The following GRIP2 variants were observed in gnomAD, a reference collection of about 807,000 sequenced individuals.
GRIP2 encodes glutamate receptor interacting protein 2.
Under a neutral mutation model 108.3 loss-of-function variants are expected in GRIP2, and 58 were observed. The ratio of observed to expected loss-of-function variants is 0.54; its 90% confidence interval spans 0.43 to 0.67. GRIP2 has a LOEUF of 0.67. GRIP2 is among the 30% of genes least tolerant of loss of function. The pLI is 0.00. For missense variants in GRIP2, 1,278 were observed against 1,430.6 expected, an observed-to-expected ratio of 0.89 and a Z score of 1.72; for synonymous variants, 586 against 598.2, an observed-to-expected ratio of 0.98 and a Z score of 0.30.
intron 1 of GRIP2, among the ~76,000 whole-genome samples, chr3:14,530,555 T>C (rs950038210): frequency 1.3e-5 from 2 of 152,208 alleles, no homozygotes; most frequent in Non-Finnish European, 2.9e-5. Flanking sequence ...CACTGTGTAC[T>C]TGTATGAGAA....
chr3:14,512,662 C>T lies in GRIP2; in HGVS notation c.1720+115G>A. On this transcript the variant is annotated intron_variant, in intron 14 of 23. Transcript: ENST00000621039. The surrounding 1 kb of genome is among the most constrained non-coding windows in gnomAD (Gnocchi z 5.1). ...GCCTCCCCACACCCCCAAGCCTTTT[C>T]CTCGGGCCCCGCAGGGTGTCACGCC... 2 of 972,860 alleles carry T rather than the reference C, an allele frequency of 2.1e-6. No individual in the cohort carries two copies. The highest frequency in any genetic ancestry group is 2.6e-5 in the East Asian group (1 of 38,106). 60.3% of individuals were successfully genotyped at this position (972,860 alleles called of 1,614,324 possible).
chr3:14,566,702 CCT>C, the GRIP2 span, among the ~76,000 whole-genome samples: 12 of 152,288 alleles, frequency 7.9e-5, no homozygotes, highest in South Asian at 2.5e-3. Flanking sequence ...TTTCACAGCC[CCT>C]GACCCCTCCA....
chr3:14,518,027 C>T, intron 9 of GRIP2, 130 bp from the exon 10 acceptor site: 1 of 1,104,502 alleles, frequency 9.1e-7, no homozygotes, highest in Non-Finnish European at 1.3e-6. Flanking sequence ...TAGTATTCTG[C>T]TCACATGTCC....
upstream of GRIP2, chr3:14,540,418 C>T: frequency 6.2e-7 from 1 of 1,602,038 alleles, no homozygotes; most frequent in African/African-American, 1.3e-5. The surrounding 1 kb of genome is among the most constrained non-coding windows in gnomAD (Gnocchi z 4.1). Context: ...ACAGCTCCCA[C>T]TGGCTGGGCA....
At chr3:14,503,436 C>T (rs2124857187) in intron 21 of GRIP2, 130 bp downstream of exon 21, 1 of 649,082 alleles carries the variant, frequency 1.5e-6, no homozygotes, top group Non-Finnish European at 2.7e-6. Flanking sequence ...CCACAGGGTG[C>T]CCAGGTGAGT....
At chr3:14,541,782 G>T, upstream of GRIP2, 1 of 870,924 alleles carries the variant, frequency 1.1e-6, no homozygotes, top group Non-Finnish European at 1.7e-6. Flanking sequence ...CCACAGGGTG[G>T]GTGGTGAGGG....
the GRIP2 span, among the ~76,000 whole-genome samples, chr3:14,587,896 T>A: frequency 6.6e-6 from 1 of 152,162 alleles, no homozygotes; most frequent in Non-Finnish European, 1.5e-5. Context: ...ATCTTTTCAA[T>A]CTTGCACTCC....
At position 14,520,544 on chromosome 3, in the gene GRIP2, T is replaced by C. The variant is rs1694379711; in HGVS notation, c.713-7A>G. The stretch of plus-strand genomic sequence containing the variant: ...GAAGCATTAGCCACCGTGTCTGGCA[T>C]GACGGAGAAAAAAAGTTTGAAATGC... On this transcript the variant is annotated splice_region_variant and splice_polypyrimidine_tract_variant and intron_variant, in intron 7 of 23. Transcript: ENST00000621039. 2 of 1,613,524 alleles carry C rather than the reference T, an allele frequency of 1.2e-6. No individual in the cohort carries two copies. The highest frequency in any genetic ancestry group is 1.7e-6 in the Non-Finnish European group (2 of 1,179,588).
chr3:14,523,820 C>T lies in GRIP2; in HGVS notation c.404-122G>A, dbSNP rs190855472. On this transcript the variant is annotated intron_variant, in intron 4 of 23. Transcript: ENST00000621039. ...CACAGAGATTACAGGGAGGGTAAAC[C>T]CTTGCCCATTTTACAGGTCGAACAA... 1.8e-3 allele frequency: 1,254 copies of T among 707,562 alleles called. 6 individuals are homozygous for T. Among genetic ancestry groups the T allele is most frequent in the South Asian group, 1.4e-3 (87 of 61,138 alleles). The allele number at this position is 707,562 out of a possible 1,614,324, so 43.8% of individuals were successfully genotyped here. A position where few individuals can be genotyped will look rare whatever the true frequency, so the allele number is the denominator to read the frequency against.
At chr3:14,573,041 G>A in the GRIP2 span, 2 of 1,393,174 alleles carry the variant, frequency 1.4e-6, no homozygotes, top group Non-Finnish European at 2.0e-6. Flanking sequence ...GGAACTTGCT[G>A]AAGCTGATGT....
chr3:14,542,731 C>T (rs1206971347), upstream of GRIP2, among the ~76,000 whole-genome samples: 1 of 152,226 alleles, frequency 6.6e-6, no homozygotes, highest in Admixed American at 6.5e-5. Context: ...GCCCTCTGTC[C>T]TCGACACCCT....
the GRIP2 span, among the ~76,000 whole-genome samples, chr3:14,562,383 C>T: frequency 1.4e-4 from 21 of 152,152 alleles, no homozygotes; most frequent in Non-Finnish European, 3.1e-4. Flanking sequence ...ACAACTTGAA[C>T]ATCAGAAAAG....
At chr3:14,526,392 C>T (rs953628352) in intron 1 of GRIP2, among the ~76,000 whole-genome samples, 1 of 152,176 alleles carries the variant, frequency 6.6e-6, no homozygotes, top group Non-Finnish European at 1.5e-5. Context: ...GGGGAGCTCT[C>T]TCAAACGCAG....
chr3:14,498,459 T>A (rs1438774674), intron 21 of GRIP2, among the ~76,000 whole-genome samples: 1 of 152,106 alleles, frequency 6.6e-6, no homozygotes, highest in African/African-American at 2.4e-5. Flanking sequence ...CAAGATCCTA[T>A]CACTAAAAAA....
upstream of GRIP2, among the ~76,000 whole-genome samples, chr3:14,544,719 T>C (rs1029261739): frequency 6.6e-6 from 1 of 152,158 alleles, no homozygotes. Context: ...GGACAATTGC[T>C]CCCTCCCTGC....
At position 14,540,129 on chromosome 3, in the gene GRIP2, C is replaced by A; in HGVS notation, c.40+140G>T. ...AGACAGCCCCAGCAAGTGTCCTGCC[C>A]CACCCTCCCCAAGCCCTGGGTCTCC... On this transcript the variant is annotated intron_variant, in intron 1 of 23. Coordinates refer to ENST00000621039, the MANE Select transcript of GRIP2 (RefSeq NM_001080423.4). The surrounding 1 kb of genome is among the most constrained non-coding windows in gnomAD (Gnocchi z 4.1). The A allele has an allele frequency of 9.1e-7, 1 of 1,102,508 alleles. No homozygotes were observed. The highest frequency in any genetic ancestry group is 1.3e-6 in the Non-Finnish European group (1 of 774,758). The allele number at this position is 1,102,508 out of a possible 1,614,324, so 68.3% of individuals were successfully genotyped here.
chr3:14,518,380 G>C (rs145050962), intron 9 of GRIP2, among the ~76,000 whole-genome samples: 483 of 152,300 alleles, frequency 3.2e-3, no homozygotes, highest in Non-Finnish European at 5.5e-3. Flanking sequence ...TCTGCCCCAC[G>C]ACTCTCCAGG....
the GRIP2 span, chr3:14,574,290 A>G: frequency 7.2e-6 from 7 of 971,470 alleles, no homozygotes; most frequent in Admixed American, 8.7e-5. Flanking sequence ...GAGCCGTCCC[A>G]CCATGCTCAG....
rs773563864 is a variant in GRIP2, at chr3:14,525,493, G to A, written c.201C>T (p.Thr67=). 11 of 1,613,556 alleles carry A rather than the reference G, an allele frequency of 6.8e-6. No homozygotes were observed. Among genetic ancestry groups the A allele is most frequent in the Middle Eastern group, 1.6e-4 (1 of 6,062 alleles). The change falls in exon 3 of 24, where the codon ACC becomes ACT. Residue 67 remains threonine (T), a synonymous_variant. Coordinates refer to ENST00000621039, the MANE Select transcript of GRIP2 (RefSeq NM_001080423.4). ...STLGLTISGG[T]DKDGKPRVSN... The stretch of plus-strand genomic sequence containing the variant: ...AGACCCTGGGCTTTCCATCCTTGTC[G>A]GTGCCACCTGAGATAGTCAGGCCCA...
Sources: gnomAD v4.1 joint callset for allele counts (sites outside exome capture counted in the v4.1 genomes callset) on GRCh38, gnomAD v4.1.1 for gene constraint, Gnocchi (gnomAD v3.1) non-coding constraint, MANE v1.5 for transcripts, NCBI Gene and HGNC (gene_info 2026-07-23, HGNC 2026-07-21) for gene names.